Variants in RBM28 observed in about 807,000 individuals in gnomAD.
RBM28 encodes the protein RNA binding motif protein 28, also known as RNA-binding protein 28.
Under a neutral mutation model 98.3 loss-of-function variants are expected in RBM28, and 78 were observed. The observed-to-expected ratio is 0.79, with a 90% confidence interval of 0.66 to 0.96. The LOEUF (loss-of-function observed/expected upper bound fraction) is 0.96, where lower values mean the gene tolerates loss of function less well. Among genes scored for constraint, RBM28 ranks in the 40% least tolerant of loss-of-function variants. RBM28 has a pLI of 0.00. For missense variants in RBM28, 838 were observed against 913.0 expected, an observed-to-expected ratio of 0.92 and a Z score of 1.06; for synonymous variants, 306 against 330.9, an observed-to-expected ratio of 0.92 and a Z score of 0.82.
Position 128,317,663 on chromosome 7 carries a change from C to G in RBM28, c.1784G>C (p.Ser595Thr). 1 of 1,596,546 alleles carries G rather than the reference C, an allele frequency of 6.3e-7. No homozygotes were observed. Among genetic ancestry groups the G allele is most frequent in the Non-Finnish European group, 8.6e-7 (1 of 1,164,082 alleles). ...TGGACCATTTAATTTCTGTACCAAG[C>G]TGCGCTGGATCCTTAATTCCTTCAT... ...LKMKELRIQR[S>T]LQKMRSKPAT... Residue 595 changes from serine (S) to threonine (T), a missense_variant, in exon 16 of 19, where the codon AGC becomes ACC. Transcript: ENST00000223073.
chr7:128,329,038 A>C (rs1796414072), intron 10 of RBM28, among the ~76,000 whole-genome samples: 1 of 151,618 alleles, frequency 6.6e-6, no homozygotes, highest in Non-Finnish European at 1.5e-5. Context: ...GAAGCCTCTA[A>C]CTCCTGGGCT....
At chr7:128,318,474 CAA>C (rs35005841) in intron 14 of RBM28, among the ~76,000 whole-genome samples, 107 of 109,840 alleles carry the variant, frequency 9.7e-4, no homozygotes, top group Non-Finnish European at 9.4e-4. Flanking sequence ...GACCCTGTCT[CAA>C]AAAAAAAAAA....
At chr7:128,314,686 A>G (rs1796067928) in intron 17 of RBM28, 78 bp downstream of exon 17, 1 of 1,601,498 alleles carries the variant, frequency 6.2e-7, no homozygotes, top group Non-Finnish European at 8.5e-7. Flanking sequence ...AAATGCCACA[A>G]AGAGAAAATA....
rs757913104 is a variant in RBM28 at position 128,310,779 on chromosome 7, C to G, written c.*18G>C. 6.2e-7 allele frequency: 1 copy of G among 1,613,656 alleles called. No individual in the cohort carries two copies. The highest frequency in any genetic ancestry group is 8.5e-7 in the Non-Finnish European group (1 of 1,180,012). ...AGAAAGTACACAACCCAGCTTCTTA[C>G]CCAGCCTGCTGCCATCATCAACTAT... is the stretch of plus-strand genomic sequence containing the variant. On this transcript the variant is annotated 3_prime_UTR_variant, in exon 19 of 19. Transcript: ENST00000223073.
rs558050643 is a variant in RBM28 at position 128,299,900 on chromosome 7, T to C, written c.*10897A>G. On this transcript the variant is annotated 3_prime_UTR_variant, in exon 19 of 19. Coordinates refer to ENST00000223073, the MANE Select transcript of RBM28 (RefSeq NM_018077.3). ...TAGACCTATAGACACAGGGAGAAGA[T>C]GGCCATGTGACAACGAGGCAGAGAC... The C allele has an allele frequency of 2.0e-5, 3 of 152,358 alleles. No homozygotes were observed. Among genetic ancestry groups the C allele is most frequent in the Non-Finnish European group, 4.4e-5 (3 of 68,042 alleles). 9.4% of individuals were successfully genotyped at this position (152,358 alleles called of 1,614,324 possible).
chr7:128,307,121 CTT>C lies in RBM28; in HGVS notation c.*3674_*3675del, dbSNP rs1795882222. The stretch of plus-strand genomic sequence containing the variant: ...TGGGCATCATCAAACTGCAAACAAA[CTT>C]AGCTTAGGCACCCACAGTGTGATGA... On this transcript the variant is annotated 3_prime_UTR_variant, in exon 19 of 19. Coordinates refer to ENST00000223073, the MANE Select transcript of RBM28 (RefSeq NM_018077.3). 6.6e-6 allele frequency: 1 copy of C among 152,262 alleles called. No individual in the cohort carries two copies. Among genetic ancestry groups the C allele is most frequent in the Non-Finnish European group, 1.5e-5 (1 of 68,052 alleles). The allele number at this position is 152,262 out of a possible 1,614,324, so 9.4% of individuals were successfully genotyped here.
chr7:128,323,402 CAG>C, intron 13 of RBM28, 123 bp downstream of exon 13: 1 of 1,105,252 alleles, frequency 9.0e-7, no homozygotes, highest in Non-Finnish European at 1.4e-6. Flanking sequence ...TTCTCCCTAA[CAG>C]GGCAATAAGT....
chr7:128,321,367 T>C lies in RBM28; in HGVS notation c.1462A>G (p.Arg488Gly), dbSNP rs755981648. The C allele has an allele frequency of 2.5e-6, 4 of 1,614,228 alleles. No homozygotes were observed. The highest frequency in any genetic ancestry group is 2.2e-5 in the East Asian group (1 of 44,882). ...KDQNIFVSRT[R>G]LCLHNLPKAV... ...TTTGGGAGATTGTGCAGGCAGAGCC[T>C]GGTTCGGGAGACAAAGATATTCTGG... Residue 488 changes from arginine to glycine, a missense_variant, in exon 14 of 19, where the codon AGG becomes GGG. Coordinates refer to ENST00000223073, the MANE Select transcript of RBM28 (RefSeq NM_018077.3).
In RBM28 at chr7:128,302,052, C is replaced by T. The variant is rs1163804711; in HGVS notation, c.*8745G>A. 1.3e-5 allele frequency: 2 copies of T among 152,188 alleles called. No individual in the cohort carries two copies. Among genetic ancestry groups the T allele is most frequent in the Non-Finnish European group, 2.9e-5 (2 of 68,034 alleles). 9.4% of individuals were successfully genotyped at this position (152,188 alleles called of 1,614,324 possible). A position where few individuals can be genotyped will look rare whatever the true frequency, so the allele number is the denominator to read the frequency against. On this transcript the variant is annotated 3_prime_UTR_variant, in exon 19 of 19. Coordinates refer to ENST00000223073, the MANE Select transcript of RBM28 (RefSeq NM_018077.3). ...CCCTTCTTTCTCTTCTTCTGGGCCTCTGGGCCAGAGACAGGCATTTTACTT... is the reference window on the plus strand; with the variant it reads ...CCCTTCTTTCTCTTCTTCTGGGCCTTTGGGCCAGAGACAGGCATTTTACTT...
chr7:128,321,395 C>A lies in RBM28; in HGVS notation c.1434G>T (p.Lys478Asn), dbSNP rs1336233099. 6.2e-7 allele frequency: 1 copy of A among 1,614,070 alleles called. No homozygotes were observed. Among genetic ancestry groups the A allele is most frequent in the Non-Finnish European group, 8.5e-7 (1 of 1,180,040 alleles). Residue 478 changes from lysine to asparagine, a missense_variant, in exon 14 of 19, where the codon AAG becomes AAT. Coordinates refer to ENST00000223073, the MANE Select transcript of RBM28 (RefSeq NM_018077.3). ...TTCGGGAGACAAAGATATTCTGGTC[C>A]TTGAGTTTCTGATGCTTCAGCAGCT... is the stretch of plus-strand genomic sequence containing the variant. ...RFELLKHQKL[K>N]DQNIFVSRTR...
rs1796135490 is a variant in RBM28, at chr7:128,317,742, G to C, written c.1714-9C>G. 6.3e-7 allele frequency: 1 copy of C among 1,583,520 alleles called. No individual in the cohort carries two copies. Among genetic ancestry groups the C allele is most frequent in the Non-Finnish European group, 8.7e-7 (1 of 1,152,604 alleles). ...AACTCCACTATTGGTCTCTGTCAGA[G>C]GGAGACAGAATGCCATTCATTAGAC... On this transcript the variant is annotated splice_polypyrimidine_tract_variant and intron_variant, in intron 15 of 18. Transcript: ENST00000223073.
intron 11 of RBM28, among the ~76,000 whole-genome samples, chr7:128,324,965 G>A (rs116613281): frequency 0.029 from 4,433 of 152,006 alleles, 198 homozygotes; most frequent in African/African-American, 0.1. Context: ...AGCGGACATC[G>A]CGCAACTACA....
Position 128,298,069 on chromosome 7 carries a change from T to G in RBM28, c.*12728A>C, listed in dbSNP as rs1488220647. ...GAGTTAGTGGGTGCAGCGACCAGCA[T>G]GTCACATGTATACATATGTAACTAA... On this transcript the variant is annotated 3_prime_UTR_variant, in exon 19 of 19. Transcript: ENST00000223073. 6.8e-6 allele frequency: 1 copy of G among 147,874 alleles called. No homozygotes were observed. The highest frequency in any genetic ancestry group is 2.5e-5 in the African/African-American group (1 of 40,404). The allele number at this position is 147,874 out of a possible 1,614,324, so 9.2% of individuals were successfully genotyped here.
chr7:128,343,609 TG>T (rs1194185438), intron 1 of RBM28, 66 bp downstream of exon 1: 4 of 1,191,836 alleles, frequency 3.4e-6, no homozygotes, highest in Non-Finnish European at 4.8e-6. Flanking sequence ...TACGGCTCCC[TG>T]AAGTTTGGGA....
At chr7:128,323,434 G>C in intron 13 of RBM28, 93 bp downstream of exon 13, 1 of 1,429,138 alleles carries the variant, frequency 7.0e-7, no homozygotes, top group Non-Finnish European at 9.9e-7. Context: ...GACCATACTG[G>C]GCTCTTTGAT....
Position 128,320,374 on chromosome 7 carries a change from C to T in RBM28, c.1563+892G>A, listed in dbSNP as rs1796203722. Among the ~76,000 whole-genome samples, 5 of 145,228 alleles carry T rather than the reference C, an allele frequency of 3.4e-5. No individual in the cohort carries two copies. In the South Asian group the frequency reaches 1.1e-3, roughly 32 times the overall value. Reference sequence around the variant, plus strand: ...GCAGTGACCCGAGATGGTGCCACTGCACTCCAGCCAAAGACAGAGCAAGAC... The same window carrying T: ...GCAGTGACCCGAGATGGTGCCACTGTACTCCAGCCAAAGACAGAGCAAGAC... On this transcript the variant is annotated intron_variant, in intron 14 of 18. Transcript: ENST00000223073.
chr7:128,317,886 G>T, intron 15 of RBM28, 71 bp downstream of exon 15: 1 of 1,585,290 alleles, frequency 6.3e-7, no homozygotes, highest in East Asian at 2.2e-5. Context: ...AGGACACTAG[G>T]CATAAAGGAG....
At chr7:128,332,273 G>A (rs1326427411) in intron 9 of RBM28, among the ~76,000 whole-genome samples, 1 of 151,778 alleles carries the variant, frequency 6.6e-6, no homozygotes, top group African/African-American at 2.4e-5. Flanking sequence ...TCTCTGAGTA[G>A]TGATTAAGGT....
In RBM28 at chr7:128,338,352, A is replaced by T; in HGVS notation, c.449-10T>A. The T allele has an allele frequency of 6.2e-7, 1 of 1,608,878 alleles. No individual in the cohort carries two copies. The stretch of plus-strand genomic sequence containing the variant: ...CCGCGCATCTTCCCATCTGTGTGCA[A>T]ATGCACAAAGAAAGAAGTGAGAGGC... On this transcript the variant is annotated splice_polypyrimidine_tract_variant and intron_variant, in intron 4 of 18. Coordinates refer to ENST00000223073, the MANE Select transcript of RBM28 (RefSeq NM_018077.3).
Sources: allele counts gnomAD v4.1 joint callset (sites outside exome capture counted in the v4.1 genomes callset), GRCh38; gene constraint gnomAD v4.1.1; transcripts MANE v1.5; gene names NCBI Gene and HGNC (gene_info 2026-07-23, HGNC 2026-07-21).